TBC1D22A: variants seen among roughly 807,000 people sequenced by gnomAD.
TBC1D22A encodes TBC1 domain family member 22A.
Under a neutral mutation model 60.2 loss-of-function variants are expected in TBC1D22A, and 38 were observed. The ratio of observed to expected loss-of-function variants is 0.63; its 90% CI spans 0.49 to 0.83. The LOEUF is 0.83. TBC1D22A is among the 40% of genes least tolerant of loss of function. The pLI is 0.00. For missense variants in TBC1D22A, 628 were observed against 701.0 expected (o/e 0.90, Z 1.18); for synonymous variants, 302 against 281.7 (o/e 1.07, Z -0.72).
At chr22:46,972,011 A>T (rs1201696597) in intron 8 of TBC1D22A, among the ~76,000 whole-genome samples, 1 of 152,154 alleles carries the variant, frequency 6.6e-6, no homozygotes, top group African/African-American at 2.4e-5. Context: ...GGGTCAGGGG[A>T]CAGAGCCATG....
chr22:46,992,661 C>A (rs1308775005), intron 9 of TBC1D22A, among the ~76,000 whole-genome samples: 1 of 152,214 alleles, frequency 6.6e-6, no homozygotes, highest in African/African-American at 2.4e-5. Flanking sequence ...CAGAGTTGAA[C>A]AGATGAAAGA....
At chr22:47,114,205 A>C (rs1366857364) in intron 12 of TBC1D22A, among the ~76,000 whole-genome samples, 2 of 151,906 alleles carry the variant, frequency 1.3e-5, no homozygotes, top group Non-Finnish European at 2.9e-5. Context: ...ACTTGAGATG[A>C]AGGGAGGACA....
chr22:46,935,820 T>C (rs759447957), intron 8 of TBC1D22A, among the ~76,000 whole-genome samples: 19 of 151,846 alleles, frequency 1.3e-4, no homozygotes, highest in Admixed American at 1.2e-3. Context: ...CCTTTGCTGT[T>C]GTGCTGTCTC....
intron 11 of TBC1D22A, among the ~76,000 whole-genome samples, chr22:47,103,075 A>G (rs2065481096): frequency 6.6e-6 from 1 of 152,204 alleles, no homozygotes; most frequent in South Asian, 2.1e-4. Context: ...AGAAAGAGGT[A>G]CGTTGCTCTA....
In TBC1D22A at chr22:47,018,705, C is replaced by T. The variant is rs77761337; in HGVS notation, c.1202-18366C>T. ...GGACACTGGCTTGGTAGCACTCCCC[C>T]ACCACCGTGTCTCCTGCTCACCGGT... On this transcript the variant is annotated intron_variant, in intron 10 of 12. Coordinates refer to ENST00000337137, the MANE Select transcript of TBC1D22A (RefSeq NM_014346.5). Among the ~76,000 whole-genome samples the T allele has an allele frequency of 2.8e-3, 430 of 152,222 alleles. 6 individuals are homozygous for T. Among genetic ancestry groups the T allele is most frequent in the East Asian group, 8.1e-3 (42 of 5,168 alleles).
chr22:47,050,937 G>T (rs568706469), intron 11 of TBC1D22A, among the ~76,000 whole-genome samples: 1 of 152,326 alleles, frequency 6.6e-6, no homozygotes, highest in East Asian at 1.9e-4. Flanking sequence ...ACACCAATGC[G>T]GTGGAGGGAG....
At chr22:47,003,155 C>G (rs867598391) in intron 10 of TBC1D22A, among the ~76,000 whole-genome samples, 2 of 152,086 alleles carry the variant, frequency 1.3e-5, no homozygotes, top group African/African-American at 2.4e-5. Flanking sequence ...AAACAGTGAA[C>G]AATTTTTTAA....
intron 8 of TBC1D22A, among the ~76,000 whole-genome samples, chr22:46,954,132 T>A (rs961863959): frequency 2.6e-5 from 4 of 152,020 alleles, no homozygotes; most frequent in African/African-American, 9.7e-5. Flanking sequence ...CCATAGGCAC[T>A]AGAGTCAGAC....
At chr22:46,826,385 C>G (rs1473635664) in intron 4 of TBC1D22A, among the ~76,000 whole-genome samples, 1 of 152,224 alleles carries the variant, frequency 6.6e-6, no homozygotes, top group Non-Finnish European at 1.5e-5. Flanking sequence ...GCTCTCATCT[C>G]TGGTTATTTT....
intron 11 of TBC1D22A, among the ~76,000 whole-genome samples, chr22:47,103,007 A>G (rs1349370255): frequency 6.6e-6 from 1 of 152,064 alleles, no homozygotes; most frequent in African/African-American, 2.4e-5. Flanking sequence ...CACCTAAGGT[A>G]TTTAAAAGGA....
intron 9 of TBC1D22A, among the ~76,000 whole-genome samples, chr22:46,984,611 T>G (rs780124741): frequency 1.3e-5 from 2 of 152,120 alleles, no homozygotes; most frequent in Non-Finnish European, 2.9e-5. Flanking sequence ...TTTCTTTGAG[T>G]AGAAAAGAAC....
At chr22:46,905,621 G>C (rs981263519) in intron 7 of TBC1D22A, among the ~76,000 whole-genome samples, 2 of 152,226 alleles carry the variant, frequency 1.3e-5, no homozygotes, top group African/African-American at 2.4e-5. Context: ...GGGCCTCTGG[G>C]GACTGAGCTG....
intron 12 of TBC1D22A, among the ~76,000 whole-genome samples, chr22:47,117,778 T>C (rs1458568160): frequency 3.3e-5 from 5 of 152,160 alleles, no homozygotes; most frequent in Non-Finnish European, 1.5e-5. Flanking sequence ...TACAAAGATA[T>C]TCAGTGAAGC....
At chr22:47,022,515 G>C (rs1336239019) in intron 10 of TBC1D22A, among the ~76,000 whole-genome samples, 1 of 150,998 alleles carries the variant, frequency 6.6e-6, no homozygotes, top group African/African-American at 2.4e-5. Context: ...AAGCAACTCA[G>C]AACCAAAGTT....
chr22:46,915,225 G>A (rs2070271562), intron 8 of TBC1D22A: 1 of 357,852 alleles, frequency 2.8e-6, no homozygotes, highest in Non-Finnish European at 5.5e-6. Flanking sequence ...AGGGTTTCTG[G>A]GGAAGCTCAT....
chr22:46,911,365 T>C (rs139967448), intron 7 of TBC1D22A, among the ~76,000 whole-genome samples: 1 of 152,294 alleles, frequency 6.6e-6, no homozygotes, highest in Non-Finnish European at 1.5e-5. Context: ...ATCTGTTTAC[T>C]TTATGAGGGA....
In TBC1D22A at chr22:46,989,353, A is replaced by G. The variant is rs1044196409; in HGVS notation, c.1126-8281A>G. Among the ~76,000 whole-genome samples, 5 of 150,734 alleles carry G rather than the reference A, an allele frequency of 3.3e-5. No individual in the cohort carries two copies. In the South Asian group the frequency reaches 6.3e-4, roughly 19 times the overall value. ...GCATTCACAACCTGGCTGTTTGGCAAAAAAAAAAGGCCTACTTTTGGCTTG... is the reference window on the plus strand; with the variant it reads ...GCATTCACAACCTGGCTGTTTGGCAGAAAAAAAAGGCCTACTTTTGGCTTG... On this transcript the variant is annotated intron_variant, in intron 9 of 12. Transcript: ENST00000337137.
intron 12 of TBC1D22A, among the ~76,000 whole-genome samples, chr22:47,122,615 C>T (rs1387446310): frequency 2.6e-5 from 4 of 152,196 alleles, no homozygotes; most frequent in Non-Finnish European, 5.9e-5. Flanking sequence ...CTACTAGCCT[C>T]AGACTTCAGG....
At chr22:46,985,019 G>C (rs887762945) in intron 9 of TBC1D22A, among the ~76,000 whole-genome samples, 8 of 152,208 alleles carry the variant, frequency 5.3e-5, no homozygotes, top group Non-Finnish European at 1.0e-4. Flanking sequence ...GGCAGTTGAG[G>C]GGGGAGCCTC....
Sources: allele counts gnomAD v4.1 joint callset (sites outside exome capture counted in the v4.1 genomes callset), GRCh38; gene constraint gnomAD v4.1.1; transcripts MANE v1.5; gene names NCBI Gene and HGNC (gene_info 2026-07-23, HGNC 2026-07-21).